The following MAN1B1 variants were observed in gnomAD, a reference collection of about 807,000 sequenced individuals.
The protein encoded by MAN1B1 is mannosidase alpha class 1B member 1.
In MAN1B1, 66 loss-of-function variants were observed where a neutral mutation model predicts 75.5. The observed-to-expected ratio is 0.87, with a 90% CI of 0.72 to 1.07. The LOEUF is 1.07. Ranked by LOEUF, MAN1B1 falls within the 50% of genes least tolerant of loss-of-function variation. MAN1B1 has a pLI of 0.00. For synonymous variants in MAN1B1, 453 were observed against 382.8 expected (o/e 1.18, Z -2.14); for missense variants, 973 against 912.5 (o/e 1.07, Z -0.85).
intron 12 of MAN1B1, 100 bp from the exon 13 acceptor site, chr9:137,108,288 G>A: frequency 9.2e-7 from 1 of 1,082,880 alleles, no homozygotes; most frequent in Non-Finnish European, 1.4e-6. Flanking sequence ...GCTTGCGCTG[G>A]GGGCCACATT....
At chr9:137,095,166 T>A (rs1340730031) in intron 3 of MAN1B1, among the ~76,000 whole-genome samples, 1 of 151,884 alleles carries the variant, frequency 6.6e-6, no homozygotes, top group Non-Finnish European at 1.5e-5. Flanking sequence ...CCGGCCTGGG[T>A]GACAAAACAA....
chr9:137,106,426 C>G (rs1307998122), intron 9 of MAN1B1, 111 bp downstream of exon 9: 2 of 1,126,572 alleles, frequency 1.8e-6, no homozygotes, highest in African/African-American at 1.5e-5. Context: ...CCCCGCCACA[C>G]TGTGTGTCAG....
In MAN1B1 at chr9:137,101,588, C is replaced by T; in HGVS notation, c.1170C>T (p.Thr390=). The stretch of plus-strand genomic sequence containing the variant: ...GAGTTGCCCACCCGCCACGGTGGAC[C>T]TCCGACAGCACTGTGGCCGAGGTGA... The part of the protein sequence containing the change: ...GTGVAHPPRW[T]SDSTVAEVTS... Residue 390 remains threonine (T), a synonymous_variant, in exon 8 of 13, where the codon ACC becomes ACT. Transcript: ENST00000371589. 6.2e-7 allele frequency: 1 copy of T among 1,613,886 alleles called. No homozygotes were observed. Among genetic ancestry groups the T allele is most frequent in the Non-Finnish European group, 8.5e-7 (1 of 1,180,036 alleles).
chr9:137,103,153 A>T (rs113275353), intron 8 of MAN1B1: 1 of 99,294 alleles, frequency 1.0e-5, no homozygotes, highest in Non-Finnish European at 1.9e-5. Context: ...TTACATTCAC[A>T]CTGTTGCAGG....
At chr9:137,106,396 CG>C in intron 9 of MAN1B1, 81 bp downstream of exon 9, 1 of 1,302,160 alleles carries the variant, frequency 7.7e-7, no homozygotes, top group South Asian at 1.3e-5. Flanking sequence ...CCAGCTCCCA[CG>C]GCCCCCGCTC....
intron 12 of MAN1B1, chr9:137,108,178 G>T: frequency 1.6e-6 from 1 of 619,514 alleles, no homozygotes; most frequent in Non-Finnish European, 2.9e-6. Flanking sequence ...GGCGGTTTCT[G>T]TCGTGGTCAC....
At chr9:137,100,968 C>G (rs778671623) in intron 6 of MAN1B1, 37 bp from the exon 7 acceptor site, 7 of 1,612,912 alleles carry the variant, frequency 4.3e-6, no homozygotes, top group Non-Finnish European at 4.2e-6. Flanking sequence ...TGGAGCCATC[C>G]ATTTGTCTCT....
intron 8 of MAN1B1, 197 bp downstream of exon 8, chr9:137,101,869 A>T (rs1167641343): frequency 1.4e-6 from 1 of 737,764 alleles, no homozygotes; most frequent in South Asian, 1.5e-5. Flanking sequence ...GCAGGCGTGC[A>T]GGTCGGTGGT....
chr9:137,094,090 C>CTGCA (rs1165736348), intron 3 of MAN1B1, among the ~76,000 whole-genome samples: 3 of 150,908 alleles, frequency 2.0e-5, no homozygotes, highest in Non-Finnish European at 4.4e-5. Flanking sequence ...TCTCCACTCA[C>CTGCA]TGCAACCTCC....
At chr9:137,100,132 A>G (rs927930708) in intron 6 of MAN1B1, among the ~76,000 whole-genome samples, 1 of 152,196 alleles carries the variant, frequency 6.6e-6, no homozygotes, top group South Asian at 2.1e-4. Flanking sequence ...GGGGACGTCC[A>G]AGGGACATTC....
chr9:137,088,619 G>GAAC, intron 2 of MAN1B1: 1 of 680,104 alleles, frequency 1.5e-6, no homozygotes, highest in Non-Finnish European at 2.4e-6. Context: ...GCCACATGCT[G>GAAC]AACGTCCCTG....
rs1290544071 is a variant in MAN1B1, at chr9:137,088,458, T to G, written c.328+275T>G. 5.9e-6 allele frequency: 9 copies of G among 1,518,814 alleles called. No homozygotes were observed. The East Asian group carries it at 2.4e-4, about 40-fold the overall frequency. 94.1% of individuals were successfully genotyped at this position (1,518,814 alleles called of 1,614,324 possible). ...TAAGTCAGCTGGTGGGCTTGAACACTCAGCCTAAATAACCACACAAATTTC... is the reference window on the plus strand; with the variant it reads ...TAAGTCAGCTGGTGGGCTTGAACACGCAGCCTAAATAACCACACAAATTTC... On this transcript the variant is annotated intron_variant, in intron 2 of 12. Coordinates refer to ENST00000371589, the MANE Select transcript of MAN1B1 (RefSeq NM_016219.5).
intron 8 of MAN1B1, 41 bp from the exon 9 acceptor site, chr9:137,106,084 G>A (rs371721107): frequency 2.2e-4 from 339 of 1,547,720 alleles, no homozygotes; most frequent in Middle Eastern, 6.7e-4. Context: ...CCTGCAGCTC[G>A]GCCCTGGCCA....
intron 12 of MAN1B1, 124 bp from the exon 13 acceptor site, chr9:137,108,264 G>A (rs542271188): frequency 1.2e-4 from 104 of 857,932 alleles, no homozygotes; most frequent in Admixed American, 3.6e-4. Context: ...TCATCCAGGC[G>A]CCCTCCACCC....
chr9:137,092,299 A>G lies in MAN1B1; in HGVS notation c.465+3294A>G, dbSNP rs1361823049. Among the ~76,000 whole-genome samples, 3 of 152,320 alleles carry G rather than the reference A, an allele frequency of 2.0e-5. No homozygotes were observed. The East Asian group carries it at 5.8e-4, about 29-fold the overall frequency. ...CTTAAGCCAGGGAGGTTGAGGCTAC[A>G]GTGAGCTATGATCCAGCCTGGATGA... On this transcript the variant is annotated intron_variant, in intron 3 of 12. Coordinates refer to ENST00000371589, the MANE Select transcript of MAN1B1 (RefSeq NM_016219.5).
chr9:137,099,884 A>G lies in MAN1B1; in HGVS notation c.916+3A>G, dbSNP rs1830761790. ...GTGGATCTTGGGTCTGAGGAAAGGT[A>G]CCTGGTGCTTTCTGGGGAGGGGCTG... is the stretch of plus-strand genomic sequence containing the variant. On this transcript the variant is annotated splice_donor_region_variant and intron_variant, in intron 6 of 12. Transcript: ENST00000371589. 1.2e-5 allele frequency: 20 copies of G among 1,613,962 alleles called. No individual in the cohort carries two copies. Among genetic ancestry groups the G allele is most frequent in the Non-Finnish European group, 1.7e-5 (20 of 1,180,028 alleles).
At chr9:137,090,170 C>T (rs1221912647) in intron 3 of MAN1B1, among the ~76,000 whole-genome samples, 1 of 152,076 alleles carries the variant, frequency 6.6e-6, no homozygotes, top group Non-Finnish European at 1.5e-5. Context: ...GCCAAATCCC[C>T]GACACCGTTG....
intron 3 of MAN1B1, 161 bp downstream of exon 3, chr9:137,089,166 C>T (rs1830457663): frequency 8.9e-6 from 8 of 900,836 alleles, no homozygotes; most frequent in African/African-American, 3.3e-5. Context: ...GAAAGAGAGG[C>T]GTAGTCTTTG....
Position 137,101,292 on chromosome 9 carries a change from G to A in MAN1B1, c.1065+139G>A, listed in dbSNP as rs1015770866. 6.5e-6 allele frequency: 8 copies of A among 1,231,438 alleles called. No homozygotes were observed. In the Admixed American group the frequency reaches 9.0e-5, roughly 14 times the overall value. 76.3% of individuals were successfully genotyped at this position (1,231,438 alleles called of 1,614,324 possible). On this transcript the variant is annotated intron_variant, in intron 7 of 12. Coordinates refer to ENST00000371589, the MANE Select transcript of MAN1B1 (RefSeq NM_016219.5). ...GGAGTCTGTTTCTGAGCTCATATTC[G>A]TGAGCTGATGAAGCCACTTTGATCA...
Sources: gnomAD v4.1 joint callset for allele counts (sites outside exome capture counted in the v4.1 genomes callset) on GRCh38, gnomAD v4.1.1 for gene constraint, MANE v1.5 for transcripts, NCBI Gene and HGNC (gene_info 2026-07-23, HGNC 2026-07-21) for gene names.